GTSE1: variants seen among roughly 807,000 people sequenced by gnomAD.
GTSE1 encodes G2 and S phase-expressed protein 1.
A neutral mutation model predicts 60.5 loss-of-function variants in GTSE1; 52 were observed. That is an observed-to-expected ratio of 0.86 (90% CI 0.69 to 1.08). GTSE1 has a LOEUF of 1.08. Among genes scored for constraint, GTSE1 ranks in the 50% least tolerant of loss-of-function variants. The pLI is 0.00. For synonymous variants in GTSE1, 368 were observed against 386.5 expected, an observed-to-expected ratio of 0.95 and a Z score of 0.56; for missense variants, 937 against 961.8, an observed-to-expected ratio of 0.97 and a Z score of 0.34.
At position 46,324,611 on chromosome 22, in the gene GTSE1, C is replaced by T. The variant is rs571089453; in HGVS notation, c.1505+1349C>T. Among the ~76,000 whole-genome samples, 1 of 152,178 alleles carries T rather than the reference C, an allele frequency of 6.6e-6. No homozygotes were observed. The highest frequency in any genetic ancestry group is 1.5e-5 in the Non-Finnish European group (1 of 68,030). On this transcript the variant is annotated intron_variant, in intron 8 of 11. Transcript: ENST00000454366. The surrounding 1 kb of genome is among the most constrained non-coding windows in gnomAD (Gnocchi z 5.2). ...CTCGATCTCCTGGCCTCGTGATCCACCAGCCTTGGCCTCGCAAAGTGCTGG... is the reference window on the plus strand; with the variant it reads ...CTCGATCTCCTGGCCTCGTGATCCATCAGCCTTGGCCTCGCAAAGTGCTGG...
chr22:46,315,969 G>T, intron 6 of GTSE1, 63 bp from the exon 7 acceptor site: 1 of 1,262,052 alleles, frequency 7.9e-7, no homozygotes, highest in Non-Finnish European at 1.1e-6. Flanking sequence ...CATAACTTCT[G>T]TGTGTTTGTT....
chr22:46,316,118 A>G lies in GTSE1; in HGVS notation c.1138A>G (p.Met380Val), dbSNP rs758466312. Residue 380 changes from methionine to valine, a missense_variant, in exon 7 of 12, where the codon ATG becomes GTG. Coordinates refer to ENST00000454366, the MANE Select transcript of GTSE1 (RefSeq NM_016426.7). This position sits in a 1 kb window ranked among gnomAD's most constrained non-coding sequence, Gnocchi z 5.0. Reference sequence around the variant, plus strand: ...CAAGTCAGGCAGAATGGGACCCGCCATGCTGCGGCCAGCTCTGCCTGCAGG... The same window carrying G: ...CAAGTCAGGCAGAATGGGACCCGCCGTGCTGCGGCCAGCTCTGCCTGCAGG... ...ISKSGRMGPAMLRPALPAGPV... is the reference protein window; with the variant it reads ...ISKSGRMGPAVLRPALPAGPV... 6.3e-7 allele frequency: 1 copy of G among 1,595,502 alleles called. No homozygotes were observed. The highest frequency in any genetic ancestry group is 1.1e-5 in the South Asian group (1 of 89,486).
At position 46,309,777 on chromosome 22, in the gene GTSE1, C is replaced by T. The variant is rs2077738141; in HGVS notation, c.762+834C>T. ...GCCCTTGACAAGGAGGTATGCCCGGCACTGCCACCCCCAACAGCTGGGGCC... is the reference window on the plus strand; with the variant it reads ...GCCCTTGACAAGGAGGTATGCCCGGTACTGCCACCCCCAACAGCTGGGGCC... On this transcript the variant is annotated intron_variant, in intron 4 of 11. Coordinates refer to ENST00000454366, the MANE Select transcript of GTSE1 (RefSeq NM_016426.7). The surrounding 1 kb of genome is among the most constrained non-coding windows in gnomAD (Gnocchi z 6.2). Among the ~76,000 whole-genome samples, 1 of 152,206 alleles carries T rather than the reference C, an allele frequency of 6.6e-6. No homozygotes were observed. The highest frequency in any genetic ancestry group is 2.4e-5 in the African/African-American group (1 of 41,452).
At position 46,309,038 on chromosome 22, in the gene GTSE1, C is replaced by A; in HGVS notation, c.762+95C>A. The A allele has an allele frequency of 1.5e-6, 2 of 1,374,232 alleles. No homozygotes were observed. Among genetic ancestry groups the A allele is most frequent in the Non-Finnish European group, 2.0e-6 (2 of 1,013,162 alleles). 85.1% of individuals were successfully genotyped at this position (1,374,232 alleles called of 1,614,324 possible). A position where few individuals can be genotyped will look rare whatever the true frequency, so the allele number is the denominator to read the frequency against. On this transcript the variant is annotated intron_variant, in intron 4 of 11. Coordinates refer to ENST00000454366, the MANE Select transcript of GTSE1 (RefSeq NM_016426.7). This position sits in a 1 kb window ranked among gnomAD's most constrained non-coding sequence, Gnocchi z 6.2. ...CACATGCGGAAAGCCTCAGAGGTGGCGAGTCTCTGAGGCCTACAAAACACA... is the reference window on the plus strand; with the variant it reads ...CACATGCGGAAAGCCTCAGAGGTGGAGAGTCTCTGAGGCCTACAAAACACA...
chr22:46,322,486 A>G (rs1163199099), intron 7 of GTSE1, among the ~76,000 whole-genome samples: 1 of 152,132 alleles, frequency 6.6e-6, no homozygotes, highest in Non-Finnish European at 1.5e-5. Context: ...CTGATACTCA[A>G]GTGCACACTG....
chr22:46,312,006 A>G (rs1210905024), intron 4 of GTSE1, 135 bp from the exon 5 acceptor site: 1 of 684,334 alleles, frequency 1.5e-6, no homozygotes, highest in Non-Finnish European at 2.5e-6. Context: ...GTTCCCTTCA[A>G]TCTGGCTGAT....
In GTSE1 at chr22:46,330,282, A is replaced by G; in HGVS notation, c.*152A>G. ...GATTACTTGAGCCCAGGAGTTCGGG[A>G]CCAGCCTGGGAAATATAGTGAAACT... On this transcript the variant is annotated 3_prime_UTR_variant, in exon 12 of 12. Transcript: ENST00000454366. The surrounding 1 kb of genome is among the most constrained non-coding windows in gnomAD (Gnocchi z 6.0). 1 of 603,460 alleles carries G rather than the reference A, an allele frequency of 1.7e-6. No homozygotes were observed. The highest frequency in any genetic ancestry group is 3.0e-6 in the Non-Finnish European group (1 of 331,904). The allele number at this position is 603,460 out of a possible 1,614,324, so 37.4% of individuals were successfully genotyped here.
Position 46,328,869 on chromosome 22 carries a change from G to A in GTSE1, c.1906G>A (p.Gly636Arg). 6.2e-7 allele frequency: 1 copy of A among 1,613,576 alleles called. No individual in the cohort carries two copies. The part of the protein sequence containing the change: ...EVAREEAKPG[G>R]DAAPSEALLV... ...AGCTCGGGAGGAAGCCAAGCCGGGT[G>A]GAGATGCAGCCCCTAGTGAGGTGGG... The change falls in exon 10 of 12, where the codon GGA becomes AGA. Residue 636 changes from glycine (G) to arginine (R), a missense_variant. Coordinates refer to ENST00000454366, the MANE Select transcript of GTSE1 (RefSeq NM_016426.7).
rs149744214 is a variant in GTSE1, at chr22:46,308,184, C to T, written c.114C>T (p.Phe38=). Residue 38 remains phenylalanine, a synonymous_variant, in exon 3 of 12, where the codon TTC becomes TTT. Coordinates refer to ENST00000454366, the MANE Select transcript of GTSE1 (RefSeq NM_016426.7). ...ILLLADEKFD[F]DLSLSSSSAN... is the part of the protein sequence containing the mutation. ...TTTTGGCCGATGAAAAATTTGACTT[C>T]GATCTTTCATTGTCTTCTTCGAGGT... 11 of 1,613,168 alleles carry T rather than the reference C, an allele frequency of 6.8e-6. No individual in the cohort carries two copies. Among genetic ancestry groups the T allele is most frequent in the African/African-American group, 6.7e-5 (5 of 74,910 alleles).
intron 2 of GTSE1, among the ~76,000 whole-genome samples, chr22:46,305,734 G>T (rs958178774): frequency 6.6e-6 from 1 of 151,060 alleles, no homozygotes; most frequent in African/African-American, 2.4e-5. Context: ...TGGTGAAACC[G>T]CATCTCTACT....
intron 2 of GTSE1, among the ~76,000 whole-genome samples, chr22:46,299,814 A>G (rs1215548884): frequency 6.7e-6 from 1 of 148,180 alleles, no homozygotes; most frequent in Non-Finnish European, 1.5e-5. Context: ...TTTTTTTTTG[A>G]GACAGAGTCT....
In GTSE1 at chr22:46,329,091, G is replaced by C. The variant is rs2077861094; in HGVS notation, c.1926+202G>C. The C allele has an allele frequency of 4.8e-6, 3 of 619,092 alleles. No individual in the cohort carries two copies. In the Admixed American group the frequency reaches 8.7e-5, roughly 18 times the overall value. The allele number at this position is 619,092 out of a possible 1,614,324, so 38.3% of individuals were successfully genotyped here. On this transcript the variant is annotated intron_variant, in intron 10 of 11. Transcript: ENST00000454366. The surrounding 1 kb of genome is among the most constrained non-coding windows in gnomAD (Gnocchi z 6.4). ...GGAGAAAGCCCTGCATTTGACTAAG[G>C]CAAGGGTCAGGGATCAAAGCTGAGG...
In GTSE1 at chr22:46,297,301, C is replaced by T. The variant is rs754061161; in HGVS notation, c.-21-79C>T. 17 of 870,290 alleles carry T rather than the reference C, an allele frequency of 2.0e-5. No homozygotes were observed. In the South Asian group the frequency reaches 2.3e-4, roughly 12 times the overall value. The allele number at this position is 870,290 out of a possible 1,614,324, so 53.9% of individuals were successfully genotyped here. A position where few individuals can be genotyped will look rare whatever the true frequency, so the allele number is the denominator to read the frequency against. The stretch of plus-strand genomic sequence containing the variant: ...CCGCGGCCTTCAGCTCTCTCTGCCT[C>T]TGTGAGCCGAGGGCTGAAGGAAGCC... On this transcript the variant is annotated intron_variant, in intron 1 of 11. Coordinates refer to ENST00000454366, the MANE Select transcript of GTSE1 (RefSeq NM_016426.7). The surrounding 1 kb of genome is among the most constrained non-coding windows in gnomAD (Gnocchi z 4.9).
rs570381458 is a variant in GTSE1, at chr22:46,329,792, G to A, written c.2136+225G>A. Among the ~76,000 whole-genome samples the A allele has an allele frequency of 8.5e-5, 13 of 152,300 alleles. No individual in the cohort carries two copies. Among genetic ancestry groups the A allele is most frequent in the South Asian group, 4.1e-4 (2 of 4,826 alleles). On this transcript the variant is annotated intron_variant, in intron 11 of 11. Coordinates refer to ENST00000454366, the MANE Select transcript of GTSE1 (RefSeq NM_016426.7). The surrounding 1 kb of genome is among the most constrained non-coding windows in gnomAD (Gnocchi z 6.4). The stretch of plus-strand genomic sequence containing the variant: ...TGCCAGCTCTTGTTGGACAGGGACC[G>A]CCTCTCTCCTGCCCATAGACCCCAG...
chr22:46,311,424 T>A (rs1488360503), intron 4 of GTSE1, among the ~76,000 whole-genome samples: 1 of 152,222 alleles, frequency 6.6e-6, no homozygotes, highest in East Asian at 1.9e-4. Flanking sequence ...AAGATTAGCT[T>A]GTGCTGGTTG....
At position 46,323,190 on chromosome 22, in the gene GTSE1, G is replaced by T. The variant is rs1267394342; in HGVS notation, c.1433G>T (p.Gly478Val). ...NQFKIPKFSI[G>V]DSPDSSTPKL... ...CGCACACTTCCTTTCTTGGACTTAG[G>T]TGACTCCCCGGACAGCTCAACACCA... The change falls in exon 8 of 12, where the codon GGT becomes GTT. Residue 478 changes from glycine (G) to valine (V), a missense_variant and splice_region_variant. Gly to Val is a moderately radical substitution (Grantham distance 109, BLOSUM62 -3). Transcript: ENST00000454366. 1 of 1,611,844 alleles carries T rather than the reference G, an allele frequency of 6.2e-7. No homozygotes were observed. The highest frequency in any genetic ancestry group is 8.5e-7 in the Non-Finnish European group (1 of 1,177,900).
chr22:46,317,129 T>A lies in GTSE1; in HGVS notation c.1432+717T>A, dbSNP rs555796205. ...GGTGCCCACCACCACACCCGGCTAA[T>A]TTTTTTTTTGTATTTTTGGTAGAGA... On this transcript the variant is annotated intron_variant, in intron 7 of 11. Transcript: ENST00000454366. The surrounding 1 kb of genome is among the most constrained non-coding windows in gnomAD (Gnocchi z 5.6). Among the ~76,000 whole-genome samples, 229 of 146,492 alleles carry A rather than the reference T, an allele frequency of 1.6e-3. No individual in the cohort carries two copies. Among genetic ancestry groups the A allele is most frequent in the African/African-American group, 5.2e-3 (213 of 40,694 alleles).
chr22:46,307,655 A>G (rs1248132667), intron 2 of GTSE1, among the ~76,000 whole-genome samples: 1 of 152,116 alleles, frequency 6.6e-6, no homozygotes, highest in African/African-American at 2.4e-5. Context: ...GGTGTGCGCT[A>G]CCATGCCTAG....
chr22:46,306,475 C>T (rs1221853938), intron 2 of GTSE1, among the ~76,000 whole-genome samples: 1 of 147,080 alleles, frequency 6.8e-6, no homozygotes, highest in Non-Finnish European at 1.5e-5. Context: ...GCCATTGCGC[C>T]CAGCCTGTTT....
Sources: allele counts gnomAD v4.1 joint callset (sites outside exome capture counted in the v4.1 genomes callset), GRCh38; gene constraint gnomAD v4.1.1; non-coding constraint Gnocchi (gnomAD v3.1); transcripts MANE v1.5; gene names NCBI Gene and HGNC (gene_info 2026-07-23, HGNC 2026-07-21).